PCDH15: variants seen among roughly 807,000 people sequenced by gnomAD.
PCDH15 encodes the protein protocadherin-15.
Under a neutral mutation model 178.5 loss-of-function variants are expected in PCDH15, and 129 were observed. The ratio of observed to expected loss-of-function variants is 0.72; its 90% CI spans 0.63 to 0.84. The LOEUF is 0.84. PCDH15 is among the 40% of genes least tolerant of loss of function. PCDH15 has a pLI of 0.00. For missense variants in PCDH15, 2,230 were observed against 2,099.9 expected (o/e 1.06, Z -1.21); for synonymous variants, 800 against 732.0 (o/e 1.09, Z -1.50).
At chr10:55,496,768 T>G (rs1840543986) in intron 2 of PCDH15, among the ~76,000 whole-genome samples, 1 of 151,858 alleles carries the variant, frequency 6.6e-6, no homozygotes, top group Non-Finnish European at 1.5e-5. Context: ...AATGGAAAAC[T>G]GATATGAAAA....
At chr10:53,813,989 GT>G (rs2075971552) in intron 35 of PCDH15, among the ~76,000 whole-genome samples, 1 of 152,046 alleles carries the variant, frequency 6.6e-6, no homozygotes, top group African/African-American at 2.4e-5. Flanking sequence ...TTATAGGAAG[GT>G]TGAAGTGTGG....
chr10:54,366,099 T>C (rs1229734638), intron 5 of PCDH15, among the ~76,000 whole-genome samples: 20 of 152,106 alleles, frequency 1.3e-4, no homozygotes, highest in African/African-American at 4.6e-4. Context: ...TTGAGTTTTA[T>C]TCCCAACTTC....
chr10:55,529,108 T>C (rs1375017103), intron 2 of PCDH15, among the ~76,000 whole-genome samples: 1 of 152,124 alleles, frequency 6.6e-6, no homozygotes, highest in Non-Finnish European at 1.5e-5. Flanking sequence ...TTTGAGTTCT[T>C]TGTAGATTCT....
chr10:54,818,218 A>T (rs1286280713), intron 3 of PCDH15, among the ~76,000 whole-genome samples: 2 of 152,030 alleles, frequency 1.3e-5, no homozygotes, highest in African/African-American at 4.8e-5. Flanking sequence ...AGATTTAAAA[A>T]TTTTTAAGGA....
intron 1 of PCDH15, among the ~76,000 whole-genome samples, chr10:54,677,546 C>G (rs1218753217): frequency 1.3e-5 from 2 of 151,912 alleles, no homozygotes; most frequent in African/African-American, 2.4e-5. Flanking sequence ...AGGAAGGGAT[C>G]ATAAATGCAT....
At chr10:54,133,456 G>A (rs1253057492) in intron 14 of PCDH15, among the ~76,000 whole-genome samples, 1 of 152,154 alleles carries the variant, frequency 6.6e-6, no homozygotes, top group African/African-American at 2.4e-5. Context: ...CGTTTTATCA[G>A]TTCTGTTGCT....
In PCDH15 at chr10:54,022,973, G is replaced by C; in HGVS notation, c.2445C>G (p.Asn815Lys). Residue 815 changes from asparagine (N) to lysine (K), a missense_variant, in exon 19 of 38, where the codon AAC becomes AAG. By Grantham distance (94) the Asn-to-Lys change is moderately conservative. Coordinates refer to ENST00000644397, the MANE Select transcript of PCDH15 (RefSeq NM_001384140.1). ...LAIKVLDIDD[N>K]SPVFTNSTYT... Reference sequence around the variant, plus strand: ...ATGTTGAATTGGTGAACACAGGACTGTTATCATCAATGTCCAAAACCTTGA... The same window carrying C: ...ATGTTGAATTGGTGAACACAGGACTCTTATCATCAATGTCCAAAACCTTGA... 6.2e-7 allele frequency: 1 copy of C among 1,613,930 alleles called. No homozygotes were observed.
At chr10:54,692,747 A>G (rs11004446) in intron 1 of PCDH15, among the ~76,000 whole-genome samples, 30,821 of 152,038 alleles carry the variant, frequency 0.2, 3,532 homozygotes, top group Middle Eastern at 0.28. Flanking sequence ...TCAATCTGAT[A>G]GGAATGTCAA....
At chr10:55,339,785 A>C (rs1013367537) in intron 2 of PCDH15, among the ~76,000 whole-genome samples, 2 of 152,132 alleles carry the variant, frequency 1.3e-5, no homozygotes, top group African/African-American at 4.8e-5. Flanking sequence ...ATAAAAATTT[A>C]TGAAAAACAC....
intron 2 of PCDH15, among the ~76,000 whole-genome samples, chr10:55,145,793 A>G (rs1838491599): frequency 6.6e-6 from 1 of 152,010 alleles, no homozygotes; most frequent in South Asian, 2.1e-4. Flanking sequence ...AATAACATTT[A>G]TCACTGAGGT....
chr10:55,502,975 A>T (rs1589087906), intron 2 of PCDH15, among the ~76,000 whole-genome samples: 1 of 151,738 alleles, frequency 6.6e-6, no homozygotes, highest in Admixed American at 6.6e-5. Context: ...GAGCACTTTT[A>T]TGTGTGACAA....
intron 28 of PCDH15, among the ~76,000 whole-genome samples, chr10:53,852,580 A>C (rs11003882): frequency 0.077 from 11,640 of 152,004 alleles, 810 homozygotes; most frequent in African/African-American, 0.18. Context: ...CAAGCATTCC[A>C]TTTTCCAGGT....
intron 2 of PCDH15, among the ~76,000 whole-genome samples, chr10:54,907,147 A>G (rs1954738534): frequency 6.6e-6 from 1 of 152,136 alleles, no homozygotes. Context: ...TGACTCAGCT[A>G]TAATTCAAAT....
chr10:53,891,865 A>T (rs1035063348), intron 26 of PCDH15, among the ~76,000 whole-genome samples: 1 of 151,750 alleles, frequency 6.6e-6, no homozygotes, highest in African/African-American at 2.4e-5. Context: ...GCTACTTGGG[A>T]TGCTGAGGCA....
At position 54,943,611 on chromosome 10, in the gene PCDH15, A is replaced by G. The variant is rs571920056; in HGVS notation, c.-79-46111T>C. 8.9e-4 allele frequency among the ~76,000 whole-genome samples: 135 copies of G among 152,064 alleles called. 1 individual carries two copies. The highest frequency in any genetic ancestry group is 3.2e-3 in the African/African-American group (131 of 41,554). Reference sequence around the variant, plus strand: ...TATGTTAAAGAGCATTGTAATGGATATAATGCATTTGATATATAAAGCCAA... The same window carrying G: ...TATGTTAAAGAGCATTGTAATGGATGTAATGCATTTGATATATAAAGCCAA... On this transcript the variant is annotated intron_variant, in intron 2 of 5. Coordinates refer to the PCDH15 transcript ENST00000458638.
Position 54,724,959 on chromosome 10 carries a change from T to A in PCDH15, c.-28-60669A>T, listed in dbSNP as rs576044985. On this transcript the variant is annotated intron_variant, in intron 1 of 37. Coordinates refer to ENST00000644397, the MANE Select transcript of PCDH15 (RefSeq NM_001384140.1). ...AAATAGATACACACATGCACACCTA[T>A]GCACACATACATACATATATTTAAA... 1.2e-4 allele frequency among the ~76,000 whole-genome samples: 18 copies of A among 147,408 alleles called. No individual in the cohort carries two copies. The East Asian group carries it at 3.3e-3, about 27-fold the overall frequency.
chr10:54,020,292 G>T lies in PCDH15; in HGVS notation c.2651C>A (p.Ala884Glu). 1 of 1,613,726 alleles carries T rather than the reference G, an allele frequency of 6.2e-7. No homozygotes were observed. Among genetic ancestry groups the T allele is most frequent in the South Asian group, 1.1e-5 (1 of 91,078 alleles). The change falls in exon 20 of 38, where the codon GCA becomes GAA. Residue 884 changes from alanine to glutamate, a missense_variant. Ala to Glu is a moderately radical substitution (Grantham distance 107, BLOSUM62 -1). Coordinates refer to ENST00000644397, the MANE Select transcript of PCDH15 (RefSeq NM_001384140.1). ...LSLLRSLDYEAFPDQEASITF... is the reference protein window; with the variant it reads ...LSLLRSLDYEEFPDQEASITF... ...GATACTTGCTTCTTGGTCTGGAAAT[G>T]CCTCATAATCTAAACTCCTTAAAAG...
chr10:54,751,753 G>A (rs979204466), intron 1 of PCDH15, among the ~76,000 whole-genome samples: 11 of 152,028 alleles, frequency 7.2e-5, no homozygotes, highest in African/African-American at 2.7e-4. Context: ...AAGGATGAAA[G>A]ATACTAATTC....
chr10:54,646,213 C>A (rs2135089160), intron 2 of PCDH15, among the ~76,000 whole-genome samples: 1 of 152,184 alleles, frequency 6.6e-6, no homozygotes, highest in Admixed American at 6.6e-5. Context: ...ACTACACTCC[C>A]ACTTTCGCAG....
Sources: gnomAD v4.1 joint callset for allele counts (sites outside exome capture counted in the v4.1 genomes callset) on GRCh38, gnomAD v4.1.1 for gene constraint, MANE v1.5 for transcripts, NCBI Gene and HGNC (gene_info 2026-07-23, HGNC 2026-07-21) for gene names.